The following ADAMTS6 variants were observed in gnomAD, a reference collection of about 807,000 sequenced individuals.
The protein encoded by ADAMTS6 is ADAM metallopeptidase with thrombospondin type 1 motif 6.
A neutral mutation model predicts 144.3 loss-of-function variants in ADAMTS6; 23 were observed. That is an observed-to-expected ratio of 0.16 (90% CI 0.11 to 0.23). The LOEUF (loss-of-function observed/expected upper bound fraction) is 0.23, where lower values mean the gene tolerates loss of function less well. Among genes scored for constraint, ADAMTS6 ranks in the 10% least tolerant of loss-of-function variants. ADAMTS6 has a pLI of 1.00. For missense variants in ADAMTS6, 999 were observed against 1,379.6 expected, an observed-to-expected ratio of 0.72 and a Z score of 4.37; for synonymous variants, 444 against 457.5, an observed-to-expected ratio of 0.97 and a Z score of 0.38.
chr5:65,152,086 T>C, intron 24 of ADAMTS6, 141 bp from the exon 25 acceptor site: 1 of 603,044 alleles, frequency 1.7e-6, no homozygotes. Context: ...GTTTTTGTTT[T>C]TGTTTTTAAG....
chr5:65,391,605 CTT>C (rs2150149078), intron 7 of ADAMTS6, among the ~76,000 whole-genome samples: 1 of 152,166 alleles, frequency 6.6e-6, no homozygotes, highest in South Asian at 2.1e-4. Context: ...TTTTGTCTGT[CTT>C]TTATAGTATT....
chr5:65,454,691 C>A (rs2150253959), intron 4 of ADAMTS6, among the ~76,000 whole-genome samples: 1 of 152,292 alleles, frequency 6.6e-6, no homozygotes, highest in Middle Eastern at 3.4e-3. Flanking sequence ...TAGAGTCTCT[C>A]CCTTGCTGAC....
intron 7 of ADAMTS6, among the ~76,000 whole-genome samples, chr5:65,426,038 A>G (rs1304971430): frequency 6.8e-6 from 1 of 148,072 alleles, no homozygotes; most frequent in East Asian, 2.0e-4. Context: ...GGCGTGAGCC[A>G]CCGCACACAG....
intron 7 of ADAMTS6, among the ~76,000 whole-genome samples, chr5:65,424,598 G>C (rs1403573240): frequency 6.6e-6 from 1 of 152,098 alleles, no homozygotes. Context: ...TTAAAGCTCT[G>C]AGAACATCTC....
At chr5:65,481,059 A>G (rs1465276436) in intron 1 of ADAMTS6, among the ~76,000 whole-genome samples, 1 of 152,006 alleles carries the variant, frequency 6.6e-6, no homozygotes, top group South Asian at 2.1e-4. Flanking sequence ...AATCAAGTCC[A>G]CTTCACAAAA....
chr5:65,405,484 T>C (rs1318274493), intron 7 of ADAMTS6, among the ~76,000 whole-genome samples: 3 of 152,198 alleles, frequency 2.0e-5, no homozygotes, highest in Non-Finnish European at 1.5e-5. Flanking sequence ...CTAAGGGCTC[T>C]GTTCTGTTCC....
intron 12 of ADAMTS6, among the ~76,000 whole-genome samples, chr5:65,269,373 T>C (rs1488940381): frequency 6.6e-6 from 1 of 152,204 alleles, no homozygotes; most frequent in Non-Finnish European, 1.5e-5. Flanking sequence ...CTACTCACAT[T>C]GCTTTCTTAT....
chr5:65,258,463 G>A (rs575098136), intron 14 of ADAMTS6, among the ~76,000 whole-genome samples: 7 of 152,150 alleles, frequency 4.6e-5, no homozygotes, highest in South Asian at 2.1e-4. Context: ...CCATTGTAAC[G>A]ACTTTGGATT....
chr5:65,375,175 T>A (rs777733356), intron 7 of ADAMTS6, among the ~76,000 whole-genome samples: 6 of 152,118 alleles, frequency 3.9e-5, no homozygotes, highest in Non-Finnish European at 8.8e-5. Flanking sequence ...AAACCTAGGC[T>A]TTACCATTCA....
chr5:65,454,336 G>T (rs1302163991), intron 4 of ADAMTS6, among the ~76,000 whole-genome samples: 3 of 152,320 alleles, frequency 2.0e-5, no homozygotes, highest in Non-Finnish European at 2.9e-5. Flanking sequence ...AGGTGGAAAT[G>T]ATCATGAGAC....
chr5:65,398,836 GAAA>G (rs1753655446), intron 7 of ADAMTS6, among the ~76,000 whole-genome samples: 1 of 131,468 alleles, frequency 7.6e-6, no homozygotes, highest in African/African-American at 3.2e-5. Context: ...AAGAAAGAAA[GAAA>G]GAAAGAAAGA....
In ADAMTS6 at chr5:65,225,059, G is replaced by C. The variant is rs202025666; in HGVS notation, c.2068-12C>G. The C allele has an allele frequency of 2.7e-4, 443 of 1,612,362 alleles. 3 individuals are homozygous for C. The Middle Eastern group carries it at 2.8e-3, about 10-fold the overall frequency. On this transcript the variant is annotated splice_polypyrimidine_tract_variant and intron_variant, in intron 16 of 24. Coordinates refer to ENST00000381055, the MANE Select transcript of ADAMTS6 (RefSeq NM_197941.4). ...TCACAGCCTACGTGCTGAAAACAGA[G>C]AGGAATATTCAGTGTGTCAAGAGAG...
chr5:65,157,046 C>T (rs543148669), intron 24 of ADAMTS6, among the ~76,000 whole-genome samples: 5 of 152,222 alleles, frequency 3.3e-5, no homozygotes, highest in Non-Finnish European at 7.3e-5. Context: ...AAATTCTTCT[C>T]AGAGAGACTT....
intron 7 of ADAMTS6, among the ~76,000 whole-genome samples, chr5:65,336,236 A>C (rs1024319127): frequency 6.6e-6 from 1 of 152,110 alleles, no homozygotes; most frequent in Non-Finnish European, 1.5e-5. Context: ...AGTAGGGAGA[A>C]TATACATACA....
chr5:65,389,750 T>A (rs1011498205), intron 7 of ADAMTS6, among the ~76,000 whole-genome samples: 75 of 152,230 alleles, frequency 4.9e-4, no homozygotes, highest in African/African-American at 1.8e-3. Context: ...CTGGTAATAA[T>A]TGGGAGGTCT....
At chr5:65,451,768 C>T in intron 6 of ADAMTS6, 148 bp from the exon 7 acceptor site, 1 of 913,166 alleles carries the variant, frequency 1.1e-6, no homozygotes, top group Non-Finnish European at 1.6e-6. Flanking sequence ...AATATCTGAC[C>T]TAGAGCTCAT....
chr5:65,462,817 C>G (rs1759723948), intron 3 of ADAMTS6, among the ~76,000 whole-genome samples: 1 of 152,170 alleles, frequency 6.6e-6, no homozygotes, highest in South Asian at 2.1e-4. Flanking sequence ...CGTGGTGGGT[C>G]ATACCTGTAA....
At position 65,334,086 on chromosome 5, in the gene ADAMTS6, C is replaced by T; in HGVS notation, c.1074-1G>A. 1.5e-6 allele frequency: 2 copies of T among 1,376,916 alleles called. No homozygotes were observed. The highest frequency in any genetic ancestry group is 1.9e-6 in the Non-Finnish European group (2 of 1,056,774). 85.3% of individuals were successfully genotyped at this position (1,376,916 alleles called of 1,614,324 possible). ...ATTTTTATAAGTGCAGATATCATATCTATGGAGAAAACAGAGATGAAATTT... is the reference window on the plus strand; with the variant it reads ...ATTTTTATAAGTGCAGATATCATATTTATGGAGAAAACAGAGATGAAATTT... On this transcript the variant is annotated splice_acceptor_variant, in intron 7 of 24. Coordinates refer to ENST00000381055, the MANE Select transcript of ADAMTS6 (RefSeq NM_197941.4). LOFTEE classifies it high-confidence loss of function.
chr5:65,366,708 T>G (rs1750337872), intron 7 of ADAMTS6, among the ~76,000 whole-genome samples: 2 of 152,230 alleles, frequency 1.3e-5, no homozygotes, highest in Non-Finnish European at 2.9e-5. Flanking sequence ...CAGATTATTC[T>G]AAGTATTAAA....
Sources: gnomAD v4.1 joint callset for allele counts (sites outside exome capture counted in the v4.1 genomes callset) on GRCh38, gnomAD v4.1.1 for gene constraint, MANE v1.5 for transcripts, NCBI Gene and HGNC (gene_info 2026-07-23, HGNC 2026-07-21) for gene names.